The following LRRC74A variants were observed in gnomAD, a reference collection of about 807,000 sequenced individuals.
LRRC74A encodes leucine rich repeat containing 74A.
A neutral mutation model predicts 57.9 loss-of-function variants in LRRC74A; 44 were observed. The ratio of observed to expected loss-of-function variants is 0.76; its 90% CI spans 0.60 to 0.98. The LOEUF is 0.98. LRRC74A is among the 50% of genes least tolerant of loss of function. LRRC74A has a pLI of 0.00. For synonymous variants in LRRC74A, 211 were observed against 219.4 expected (o/e 0.96, Z 0.34); for missense variants, 572 against 574.0 (o/e 1.00, Z 0.04).
At chr14:76,834,842 C>T (rs970255277) in intron 3 of LRRC74A, among the ~76,000 whole-genome samples, 2 of 152,206 alleles carry the variant, frequency 1.3e-5, no homozygotes, top group African/African-American at 2.4e-5. Context: ...TCTCCCTCAC[C>T]TTTGAGCACA....
At chr14:76,852,525 C>G in intron 8 of LRRC74A, 75 bp downstream of exon 8, 1 of 1,154,098 alleles carries the variant, frequency 8.7e-7, no homozygotes, top group South Asian at 1.4e-5. Flanking sequence ...CCATCCTAAG[C>G]CTCTTCCTCA....
In LRRC74A at chr14:76,833,342, C is replaced by T. The variant is rs549368030; in HGVS notation, c.339+1967C>T. Among the ~76,000 whole-genome samples the T allele has an allele frequency of 4.2e-4, 64 of 152,174 alleles. No individual in the cohort carries two copies. The South Asian group carries it at 0.013, about 31-fold the overall frequency. On this transcript the variant is annotated intron_variant, in intron 3 of 13. Coordinates refer to ENST00000689127, the MANE Select transcript of LRRC74A (RefSeq NM_001385106.1). ...TAGAAGGTATAGTAGTCCACCCTTA[C>T]CCACAGTTTCACTGTCTACTGTTTC...
chr14:76,860,952 C>T, intron 11 of LRRC74A, 113 bp downstream of exon 11: 4 of 1,015,362 alleles, frequency 3.9e-6, no homozygotes, highest in South Asian at 1.8e-5. Flanking sequence ...ACAACCCTCT[C>T]TGATAAGGAA....
At chr14:76,845,481 T>C (rs1897059992) in intron 7 of LRRC74A, among the ~76,000 whole-genome samples, 1 of 152,140 alleles carries the variant, frequency 6.6e-6, no homozygotes, top group South Asian at 2.1e-4. Context: ...CTAAGGACTC[T>C]TAAGTATGGC....
At chr14:76,844,501 C>G (rs181955084) in intron 6 of LRRC74A, 29 bp downstream of exon 6, 1 of 1,608,188 alleles carries the variant, frequency 6.2e-7, no homozygotes, top group Non-Finnish European at 8.5e-7. Context: ...AGCCAAGCCA[C>G]GTGGGCGATG....
chr14:76,862,220 C>T (rs539997864), intron 11 of LRRC74A, among the ~76,000 whole-genome samples: 4 of 152,270 alleles, frequency 2.6e-5, no homozygotes, highest in East Asian at 1.9e-4. Context: ...GCTACAGTGA[C>T]GACCCACAGA....
chr14:76,831,453 G>C, intron 3 of LRRC74A, 78 bp downstream of exon 3: 6 of 1,512,278 alleles, frequency 4.0e-6, no homozygotes, highest in Non-Finnish European at 4.6e-6. Flanking sequence ...GATTCAGAGG[G>C]CCCCTCCTAT....
intron 11 of LRRC74A, among the ~76,000 whole-genome samples, chr14:76,864,747 G>T (rs183798526): frequency 6.6e-6 from 1 of 152,126 alleles, no homozygotes; most frequent in Non-Finnish European, 1.5e-5. Flanking sequence ...CCAGCTACCC[G>T]GGAGGCTGAG....
chr14:76,844,322 TCGA>T, intron 5 of LRRC74A, 98 bp from the exon 6 acceptor site: 1 of 1,133,900 alleles, frequency 8.8e-7, no homozygotes. Context: ...TTTTTTCTGT[TCGA>T]TTGTTCTAAA....
chr14:76,844,110 C>T (rs1566726689), intron 5 of LRRC74A, among the ~76,000 whole-genome samples: 1 of 151,862 alleles, frequency 6.6e-6, no homozygotes, highest in Non-Finnish European at 1.5e-5. Flanking sequence ...GTGATCCTCC[C>T]ACCTCAGCCT....
intron 7 of LRRC74A, among the ~76,000 whole-genome samples, chr14:76,850,861 A>AG (rs1555367243): frequency 5.2e-5 from 5 of 96,532 alleles, no homozygotes; most frequent in African/African-American, 8.6e-5. Context: ...AAAAAAAAAA[A>AG]AAAGAAAGAA....
At chr14:76,841,013 A>G (rs1199344580) in intron 5 of LRRC74A, among the ~76,000 whole-genome samples, 1 of 151,618 alleles carries the variant, frequency 6.6e-6, no homozygotes, top group East Asian at 1.9e-4. Context: ...TATTTAATAT[A>G]TAAGTTATAA....
chr14:76,828,461 CA>C (rs1895738561), intron 2 of LRRC74A, 42 bp downstream of exon 2: 5 of 1,612,814 alleles, frequency 3.1e-6, no homozygotes, highest in Non-Finnish European at 4.2e-6. Flanking sequence ...AGCTTCTCCT[CA>C]GAAACTGGAG....
intron 10 of LRRC74A, among the ~76,000 whole-genome samples, chr14:76,857,935 T>C (rs1322590574): frequency 1.3e-5 from 2 of 152,146 alleles, no homozygotes; most frequent in African/African-American, 4.8e-5. Context: ...TGGGTGAAAA[T>C]CTCTTGATAA....
At chr14:76,832,608 T>A (rs1566716551) in intron 3 of LRRC74A, among the ~76,000 whole-genome samples, 1 of 152,174 alleles carries the variant, frequency 6.6e-6, no homozygotes, top group Non-Finnish European at 1.5e-5. Flanking sequence ...GGACCTGGCC[T>A]GGCCAACAGT....
At chr14:76,857,571 C>T (rs1015286243) in intron 10 of LRRC74A, 96 bp downstream of exon 10, 24 of 777,344 alleles carry the variant, frequency 3.1e-5, no homozygotes, top group Non-Finnish European at 5.2e-5. Flanking sequence ...AGCTCTATCC[C>T]TCACAGGCCC....
chr14:76,837,738 C>T (rs905426798), intron 4 of LRRC74A, 137 bp from the exon 5 acceptor site: 1 of 501,358 alleles, frequency 2.0e-6, no homozygotes, highest in African/African-American at 2.0e-5. Context: ...TGGCACCTCC[C>T]TAATCCTCCT....
chr14:76,829,544 C>A (rs1040806312), intron 2 of LRRC74A, among the ~76,000 whole-genome samples: 1 of 152,226 alleles, frequency 6.6e-6, no homozygotes, highest in Non-Finnish European at 1.5e-5. Flanking sequence ...GTTTCTATCT[C>A]ATTCCCCCAT....
intron 11 of LRRC74A, among the ~76,000 whole-genome samples, chr14:76,862,194 T>C (rs1434221412): frequency 2.0e-5 from 3 of 152,092 alleles, no homozygotes; most frequent in East Asian, 3.9e-4. Context: ...AACAATCTCA[T>C]TGGAAAGATG....
Sources: allele counts gnomAD v4.1 joint callset (sites outside exome capture counted in the v4.1 genomes callset), GRCh38; gene constraint gnomAD v4.1.1; transcripts MANE v1.5; gene names NCBI Gene and HGNC (gene_info 2026-07-23, HGNC 2026-07-21).